The following DYNC2H1 variants were observed in gnomAD, a reference collection of about 807,000 sequenced individuals.
DYNC2H1 encodes dynein cytoplasmic 2 heavy chain 1.
A neutral mutation model predicts 570.0 loss-of-function variants in DYNC2H1; 410 were observed. The ratio of observed to expected loss-of-function variants is 0.72; its 90% CI spans 0.66 to 0.78. The LOEUF (loss-of-function observed/expected upper bound fraction) is 0.78, where lower values mean the gene tolerates loss of function less well. Ranked by LOEUF, DYNC2H1 falls within the 30% of genes least tolerant of loss-of-function variation. The pLI, the probability that DYNC2H1 is intolerant of heterozygous loss-of-function variation, is 0.00. For synonymous variants in DYNC2H1, 1,688 were observed against 1,677.6 expected, an observed-to-expected ratio of 1.01 and a Z score of -0.15; for missense variants, 4,865 against 5,046.4, an observed-to-expected ratio of 0.96 and a Z score of 1.09.
chr11:103,306,818 C>G (rs1867305021), intron 77 of DYNC2H1, among the ~76,000 whole-genome samples: 1 of 152,132 alleles, frequency 6.6e-6, no homozygotes, highest in Non-Finnish European at 1.5e-5. Flanking sequence ...TTTACAAATA[C>G]TTGCTGAGTA....
chr11:103,111,081 C>CT (rs1375285827), intron 1 of DYNC2H1, among the ~76,000 whole-genome samples: 1 of 152,212 alleles, frequency 6.6e-6, no homozygotes, highest in Non-Finnish European at 1.5e-5. Context: ...CCGCCTTGGC[C>CT]TCCCAAAGTG....
chr11:103,475,855 G>A (rs1233309078), intron 88 of DYNC2H1, among the ~76,000 whole-genome samples: 1 of 152,006 alleles, frequency 6.6e-6, no homozygotes, highest in African/African-American at 2.4e-5. Context: ...TCTTTACATC[G>A]ATATAGAGAA....
chr11:103,352,237 A>G (rs569419802), intron 82 of DYNC2H1, among the ~76,000 whole-genome samples: 31 of 152,026 alleles, frequency 2.0e-4, no homozygotes, highest in African/African-American at 7.5e-4. Flanking sequence ...TCTCTTTTGT[A>G]TCTGTTTTCT....
chr11:103,266,205 T>C (rs1591496456), intron 70 of DYNC2H1, among the ~76,000 whole-genome samples: 2 of 152,272 alleles, frequency 1.3e-5, no homozygotes, highest in East Asian at 3.9e-4. Flanking sequence ...GCAGCAGTGG[T>C]AGCAGCAGCT....
At chr11:103,219,648 A>G (rs776514332) in intron 55 of DYNC2H1, among the ~76,000 whole-genome samples, 2 of 152,246 alleles carry the variant, frequency 1.3e-5, no homozygotes, top group East Asian at 1.9e-4. Flanking sequence ...ACGTTTTTCT[A>G]TCTTGTTTAA....
chr11:103,154,371 C>A, intron 22 of DYNC2H1, 80 bp from the exon 23 acceptor site: 3 of 1,245,554 alleles, frequency 2.4e-6, no homozygotes, highest in Admixed American at 3.2e-5. Context: ...ACAAGGATTG[C>A]AGTTAAGTAA....
intron 5 of DYNC2H1, 71 bp downstream of exon 5, chr11:103,116,785 G>C (rs905480085): frequency 3.6e-6 from 5 of 1,402,114 alleles, no homozygotes; most frequent in African/African-American, 1.4e-5. Flanking sequence ...TATCCTTTAA[G>C]TCCTTACTTA....
chr11:103,259,801 T>C, intron 69 of DYNC2H1, 87 bp from the exon 70 acceptor site: 1 of 847,960 alleles, frequency 1.2e-6, no homozygotes, highest in South Asian at 1.9e-5. Flanking sequence ...TGTTTCAGAA[T>C]CAGCTTTGAA....
At chr11:103,226,113 A>G (rs1863791875) in intron 59 of DYNC2H1, among the ~76,000 whole-genome samples, 1 of 152,022 alleles carries the variant, frequency 6.6e-6, no homozygotes, top group Non-Finnish European at 1.5e-5. Flanking sequence ...AGCTTTTTGG[A>G]TGAGTCTTTA....
At chr11:103,308,707 C>G (rs1010235330) in intron 78 of DYNC2H1, among the ~76,000 whole-genome samples, 2 of 152,086 alleles carry the variant, frequency 1.3e-5, no homozygotes, top group African/African-American at 4.8e-5. Flanking sequence ...GAGGTGATGT[C>G]TGTTTGTGGT....
At position 103,155,511 on chromosome 11, in the gene DYNC2H1, A is replaced by G. The variant is rs1183694962; in HGVS notation, c.3744+10A>G. ...AGCTGCCGACCTTAAAGTATGAATC[A>G]CTTTTATAAATATCCCATAAGTCTG... On this transcript the variant is annotated intron_variant, in intron 25 of 88. Transcript: ENST00000375735. The G allele has an allele frequency of 1.3e-6, 2 of 1,596,430 alleles. No homozygotes were observed. The highest frequency in any genetic ancestry group is 2.7e-5 in the African/African-American group (2 of 73,834).
chr11:103,362,205 G>A (rs1390699376), intron 83 of DYNC2H1, among the ~76,000 whole-genome samples: 1 of 151,878 alleles, frequency 6.6e-6, no homozygotes, highest in African/African-American at 2.4e-5. Context: ...AGTTGAAGAT[G>A]CTGAAAAATC....
chr11:103,461,076 T>G lies in DYNC2H1; in HGVS notation c.12648+4720T>G, dbSNP rs1944994436. Reference sequence around the variant, plus strand: ...TTTTCCTCTCTCTGGTCCATTCATGTGAGCTATAAAAGCACATTTTCTAAC... The same window carrying G: ...TTTTCCTCTCTCTGGTCCATTCATGGGAGCTATAAAAGCACATTTTCTAAC... On this transcript the variant is annotated intron_variant, in intron 87 of 88. Coordinates refer to ENST00000375735, the MANE Select transcript of DYNC2H1 (RefSeq NM_001377.3). This position sits in a 1 kb window ranked among gnomAD's most constrained non-coding sequence, Gnocchi z 4.8. Among the ~76,000 whole-genome samples the G allele has an allele frequency of 6.6e-6, 1 of 152,228 alleles. No homozygotes were observed. Among genetic ancestry groups the G allele is most frequent in the Non-Finnish European group, 1.5e-5 (1 of 68,036 alleles).
At position 103,334,619 on chromosome 11, in the gene DYNC2H1, T is replaced by C. The variant is rs1440819989; in HGVS notation, c.12039+10629T>C. Among the ~76,000 whole-genome samples, 1 of 152,106 alleles carries C rather than the reference T, an allele frequency of 6.6e-6. No homozygotes were observed. Among genetic ancestry groups the C allele is most frequent in the African/African-American group, 2.4e-5 (1 of 41,448 alleles). ...ATGTAACATCAATATAAATAACATATAAATACGTGTCTTAAATTTGAAGAT... is the reference window on the plus strand; with the variant it reads ...ATGTAACATCAATATAAATAACATACAAATACGTGTCTTAAATTTGAAGAT... On this transcript the variant is annotated intron_variant, in intron 82 of 88. Transcript: ENST00000375735. The surrounding 1 kb of genome is among the most constrained non-coding windows in gnomAD (Gnocchi z 4.3).
intron 87 of DYNC2H1, among the ~76,000 whole-genome samples, chr11:103,466,241 A>G (rs1945191213): frequency 6.6e-6 from 1 of 152,214 alleles, no homozygotes; most frequent in South Asian, 2.1e-4. Context: ...CTCATTTAGA[A>G]AATGATAAAA....
At chr11:103,332,391 G>A (rs781504156) in intron 82 of DYNC2H1, among the ~76,000 whole-genome samples, 2 of 150,606 alleles carry the variant, frequency 1.3e-5, no homozygotes, top group Non-Finnish European at 2.9e-5. Context: ...TGTATAATTA[G>A]TACTCACAAA....
chr11:103,466,486 C>T (rs1482160493), intron 87 of DYNC2H1, among the ~76,000 whole-genome samples: 1 of 152,056 alleles, frequency 6.6e-6, no homozygotes, highest in Non-Finnish European at 1.5e-5. Context: ...GGAAAAGATA[C>T]TAGTATCTTG....
chr11:103,452,341 A>AT (rs397954360), intron 85 of DYNC2H1, among the ~76,000 whole-genome samples: 36,774 of 148,606 alleles, frequency 0.25, 4,616 homozygotes, highest in Admixed American at 0.33. Context: ...GAATCACTTA[A>AT]TTTTTTTTTT....
chr11:103,282,902 C>T, intron 72 of DYNC2H1, 106 bp from the exon 73 acceptor site: 2 of 766,980 alleles, frequency 2.6e-6, no homozygotes, highest in South Asian at 1.9e-5. Context: ...AGAAATAATG[C>T]ATAGAATGAA....
Sources: gnomAD v4.1 joint callset for allele counts (sites outside exome capture counted in the v4.1 genomes callset) on GRCh38, gnomAD v4.1.1 for gene constraint, Gnocchi (gnomAD v3.1) non-coding constraint, MANE v1.5 for transcripts, NCBI Gene and HGNC (gene_info 2026-07-23, HGNC 2026-07-21) for gene names.